Variants in SLC39A14 observed in about 807,000 individuals in gnomAD.
SLC39A14 encodes the protein metal cation symporter ZIP14.
A neutral mutation model predicts 45.5 loss-of-function variants in SLC39A14; 19 were observed. That is an observed-to-expected ratio of 0.42 (90% CI 0.29 to 0.61). The LOEUF is 0.61. Ranked by LOEUF, SLC39A14 falls within the 20% of genes least tolerant of loss-of-function variation. The pLI is 0.22. For synonymous variants in SLC39A14, 264 were observed against 251.3 expected (o/e 1.05, Z -0.48); for missense variants, 447 against 616.5 (o/e 0.73, Z 2.91).
At chr8:22,422,770 A>G, downstream of SLC39A14, 2 of 956,520 alleles carry the variant, frequency 2.1e-6, no homozygotes, top group Non-Finnish European at 2.5e-6. Flanking sequence ...CTGACGTACA[A>G]AGTTTTGTTT....
chr8:22,368,486 C>CTTTTATTTTA lies in SLC39A14; in HGVS notation c.-16+1121_-16+1130dup, dbSNP rs869157776. On this transcript the variant is annotated intron_variant, in intron 1 of 8. Coordinates refer to ENST00000381237, the MANE Select transcript of SLC39A14 (RefSeq NM_001128431.4). ...ATATACAATTCCGTAATCCTTCCCT[C>CTTTTATTTTA]TTTTATTTTATTTTATTTTATTTTA... Among the ~76,000 whole-genome samples, 619 of 147,630 alleles carry CTTTTATTTTA rather than the reference C, an allele frequency of 4.2e-3. 6 individuals are homozygous for CTTTTATTTTA. The highest frequency in any genetic ancestry group is 0.016 in the South Asian group (74 of 4,586).
At position 22,416,199 on chromosome 8, in the gene SLC39A14, G is replaced by A. The variant is rs774860376; in HGVS notation, c.1066G>A (p.Gly356Ser). 5.0e-6 allele frequency: 8 copies of A among 1,613,794 alleles called. No homozygotes were observed. The highest frequency in any genetic ancestry group is 1.3e-5 in the African/African-American group (1 of 74,888). Residue 356 changes from glycine to serine, a missense_variant, in exon 7 of 9, where the codon GGT becomes AGT. Transcript: ENST00000381237. ...TAATTTCATCGATGGCCTGGCCATC[G>A]GTGCTTCCTTCACTGTGTCAGTTTT... The part of the protein sequence containing the change: ...LHNFIDGLAI[G>S]ASFTVSVFQG...
intron 7 of SLC39A14, among the ~76,000 whole-genome samples, chr8:22,417,045 G>C (rs1835927465): frequency 6.6e-6 from 1 of 152,220 alleles, no homozygotes; most frequent in African/African-American, 2.4e-5. Context: ...GAGGGACTTA[G>C]TTTGATCAGA....
downstream of SLC39A14, among the ~76,000 whole-genome samples, chr8:22,425,883 G>GTTTTTTTTTTT (rs72023394): frequency 5.7e-5 from 8 of 140,860 alleles, no homozygotes; most frequent in Non-Finnish European, 9.2e-5. Flanking sequence ...GCTCTAGATG[G>GTTTTTTTTTTT]TTTTTGTTTT....
chr8:22,400,808 A>G (rs553904110), intron 1 of SLC39A14, among the ~76,000 whole-genome samples: 2 of 152,298 alleles, frequency 1.3e-5, no homozygotes, highest in South Asian at 2.1e-4. Flanking sequence ...TAGTTAAGAT[A>G]CTTTAGTTGG....
intron 1 of SLC39A14, among the ~76,000 whole-genome samples, chr8:22,385,063 A>G (rs1163470853): frequency 1.3e-5 from 2 of 152,098 alleles, no homozygotes; most frequent in African/African-American, 2.4e-5. Context: ...AAAAAACACA[A>G]AAAAACAAAA....
Position 22,417,720 on chromosome 8 carries a change from C to A in SLC39A14, c.1217C>A (p.Ala406Asp). The change falls in exon 8 of 9, where the codon GCC (alanine) becomes GAC (aspartate). Residue 406 changes from alanine to aspartate, a missense_variant. Ala to Asp is a moderately radical substitution (Grantham distance 126, BLOSUM62 -2). Transcript: ENST00000381237. ...GCTCTCTTCTTCAACTTCCTTTCTG[C>A]CTGCTGCTGCTACCTGGGTCTGGCC... Reference protein sequence around the residue: ...QQALFFNFLSACCCYLGLAFG... With the variant: ...QQALFFNFLSDCCCYLGLAFG... 6.2e-7 allele frequency: 1 copy of A among 1,614,140 alleles called. No individual in the cohort carries two copies. Among genetic ancestry groups the A allele is most frequent in the African/African-American group, 1.3e-5 (1 of 75,038 alleles).
rs574286630 is a variant in SLC39A14 at position 22,417,640 on chromosome 8, C to T, written c.1148-11C>T. Reference sequence around the variant, plus strand: ...TCCTCGTCCCTCCCCTTTTCATTCTCGCTGCTGTAGGAGACTTTGTCATCC... The same window carrying T: ...TCCTCGTCCCTCCCCTTTTCATTCTTGCTGCTGTAGGAGACTTTGTCATCC... On this transcript the variant is annotated splice_polypyrimidine_tract_variant and intron_variant, in intron 7 of 8. Transcript: ENST00000381237. 1.9e-5 allele frequency: 30 copies of T among 1,608,996 alleles called. No individual in the cohort carries two copies. Among genetic ancestry groups the T allele is most frequent in the African/African-American group, 2.7e-5 (2 of 74,628 alleles).
Position 22,422,503 on chromosome 8 carries a change from CAA to C in SLC39A14, c.*2806_*2807del. On this transcript the variant is annotated 3_prime_UTR_variant, in exon 9 of 9. Transcript: ENST00000381237. The stretch of plus-strand genomic sequence containing the variant: ...TTAAAACAAAGTTGTCTGATTTTTG[CAA>C]GAGAGGTTAGGATTTTATTGTTCTT... 1 of 985,760 alleles carries C rather than the reference CAA, an allele frequency of 1.0e-6. No homozygotes were observed. The highest frequency in any genetic ancestry group is 1.2e-6 in the Non-Finnish European group (1 of 829,890). 61.1% of individuals were successfully genotyped at this position (985,760 alleles called of 1,614,324 possible).
chr8:22,408,282 GC>G, intron 2 of SLC39A14, 27 bp from the exon 3 acceptor site: 2 of 1,604,366 alleles, frequency 1.2e-6, no homozygotes, highest in East Asian at 2.2e-5. Flanking sequence ...TGGGGTCTAA[GC>G]GGCTTCCTGC....
chr8:22,415,911 C>T lies in SLC39A14; in HGVS notation c.893C>T (p.Ala298Val), dbSNP rs747751250. Residue 298 changes from alanine to valine, a missense_variant, in exon 6 of 9, where the codon GCG becomes GTG. Around this residue, in one of 2 missense-constraint regions of SLC39A14, gnomAD observed 342 missense variants for 428.1 expected, o/e 0.80. Transcript: ENST00000381237. ...QHCSSELDGK[A>V]PMVDEKVIVG... ...TGCAGCAGTGAGCTGGACGGCAAGG[C>T]GCCCATGGTGGACGAGAAGGTCATT... 6.8e-6 allele frequency: 11 copies of T among 1,608,952 alleles called. No homozygotes were observed. The highest frequency in any genetic ancestry group is 5.1e-5 in the Admixed American group (3 of 58,744).
At chr8:22,408,625 G>A (rs1835372637) in intron 3 of SLC39A14, 129 bp downstream of exon 3, 2 of 826,848 alleles carry the variant, frequency 2.4e-6, no homozygotes, top group Admixed American at 2.9e-5. Flanking sequence ...GGTTGTCGGT[G>A]TCAGGAGCGG....
At chr8:22,430,181 G>GCTTCAAACT (rs1224458040) in intron 8 of SLC39A14, among the ~76,000 whole-genome samples, 2 of 151,804 alleles carry the variant, frequency 1.3e-5, no homozygotes, top group African/African-American at 4.8e-5. Flanking sequence ...GGTCACTGCA[G>GCTTCAAACT]CTTCAAACTC....
intron 1 of SLC39A14, chr8:22,404,369 G>A (rs1835070152): frequency 5.1e-6 from 1 of 197,356 alleles, no homozygotes. Flanking sequence ...GGAGGTTGCA[G>A]TGAGCTGAGA....
chr8:22,393,972 C>A (rs1015002087), intron 1 of SLC39A14, among the ~76,000 whole-genome samples: 1 of 151,860 alleles, frequency 6.6e-6, no homozygotes, highest in Non-Finnish European at 1.5e-5. Flanking sequence ...CGCCCCCAGC[C>A]CTGTAATGAT....
intron 1 of SLC39A14, among the ~76,000 whole-genome samples, chr8:22,387,507 G>A (rs1833853603): frequency 2.0e-5 from 3 of 152,194 alleles, no homozygotes; most frequent in Non-Finnish European, 4.4e-5. Context: ...ACGTGGAGGA[G>A]TGAAAGGGCA....
rs1349228295 is a variant in SLC39A14 at position 22,433,922 on chromosome 8, T to G, written c.1364T>G (p.Val455Gly). ...TTTTGCTCTGTTGCCCAGGCTGGAGTGCAATGGTGCCATCTCAGCTCACTG... is the reference window on the plus strand; with the variant it reads ...TTTTGCTCTGTTGCCCAGGCTGGAGGGCAATGGTGCCATCTCAGCTCACTG... Residue 455 changes from valine (V) to glycine (G), a missense_variant, in exon 9 of 9, where the codon GTG (valine) becomes GGG (glycine). Coordinates refer to the SLC39A14 transcript ENST00000240095. 1.4e-5 allele frequency: 6 copies of G among 426,098 alleles called. No homozygotes were observed. In the East Asian group the frequency reaches 2.5e-4, roughly 17 times the overall value. 26.4% of individuals were successfully genotyped at this position (426,098 alleles called of 1,614,324 possible).
chr8:22,402,530 G>A (rs567750760), intron 1 of SLC39A14, among the ~76,000 whole-genome samples: 3 of 152,318 alleles, frequency 2.0e-5, no homozygotes, highest in Admixed American at 6.5e-5. Flanking sequence ...AACACTTGGG[G>A]AGCCCGAGGC....
At chr8:22,381,229 C>T (rs923418648) in intron 1 of SLC39A14, among the ~76,000 whole-genome samples, 2 of 152,146 alleles carry the variant, frequency 1.3e-5, no homozygotes, top group African/African-American at 4.8e-5. Flanking sequence ...GCCTCGGCCT[C>T]CCAACTTGCT....
Sources: gnomAD v4.1 joint callset for allele counts (sites outside exome capture counted in the v4.1 genomes callset) on GRCh38, gnomAD v4.1.1 for gene constraint, gnomAD v4.1.1 regional missense constraint, MANE v1.5 for transcripts, NCBI Gene and HGNC (gene_info 2026-07-23, HGNC 2026-07-21) for gene names.